The following ERG variants were observed in gnomAD, a reference collection of about 807,000 sequenced individuals.
ERG encodes the protein transcriptional regulator ERG.
Under a neutral mutation model 55.3 loss-of-function variants are expected in ERG, and 9 were observed. The ratio of observed to expected loss-of-function variants is 0.16; its 90% CI spans 0.10 to 0.28. The LOEUF is 0.28. ERG is among the 10% of genes least tolerant of loss of function. The probability of loss-of-function intolerance (pLI) is 1.00; values close to 1 mark genes in which losing one functional copy is unlikely to be tolerated. For synonymous variants in ERG, 223 were observed against 237.3 expected, an observed-to-expected ratio of 0.94 and a Z score of 0.55; for missense variants, 434 against 631.6, an observed-to-expected ratio of 0.69 and a Z score of 3.35.
intron 1 of ERG, among the ~76,000 whole-genome samples, chr21:38,640,976 A>G (rs755141935): frequency 9.2e-5 from 14 of 152,366 alleles, no homozygotes; most frequent in Non-Finnish European, 1.6e-4. Flanking sequence ...AACAACTAGA[A>G]TAGAACAGTG....
chr21:38,579,965 C>T (rs368460666), intron 1 of ERG, among the ~76,000 whole-genome samples: 2 of 152,072 alleles, frequency 1.3e-5, no homozygotes, highest in African/African-American at 4.8e-5. Flanking sequence ...GGACTACAGC[C>T]GCCCACCACC....
At chr21:38,499,339 AG>A (rs2059403903), upstream of ERG, among the ~76,000 whole-genome samples, 1 of 152,234 alleles carries the variant, frequency 6.6e-6, no homozygotes, top group South Asian at 2.1e-4. Flanking sequence ...CTATAAGTTC[AG>A]GGTCACAGGT....
chr21:38,372,688 ATGTGT>A, the ERG span, among the ~76,000 whole-genome samples: 1 of 152,066 alleles, frequency 6.6e-6, no homozygotes, highest in African/African-American at 2.4e-5. Flanking sequence ...AGTCATTTAA[ATGTGT>A]TGTGATTTTC....
chr21:38,656,552 A>G (rs1031070508), intron 1 of ERG, among the ~76,000 whole-genome samples: 2 of 152,152 alleles, frequency 1.3e-5, no homozygotes, highest in Non-Finnish European at 2.9e-5. Flanking sequence ...GCACGCTCCA[A>G]TTTAGTCTTT....
At chr21:38,450,582 TTTGGTACATCACTTAAC>T (rs1313815598) in intron 1 of ERG, among the ~76,000 whole-genome samples, 6 of 152,136 alleles carry the variant, frequency 3.9e-5, no homozygotes, top group Non-Finnish European at 7.3e-5. Flanking sequence ...CCACGCAGAA[TTTGGTACATCACTTAAC>T]TCCCTATATT....
intron 2 of ERG, among the ~76,000 whole-genome samples, chr21:38,552,773 G>T (rs572967793): frequency 6.6e-6 from 1 of 150,524 alleles, no homozygotes; most frequent in African/African-American, 2.4e-5. Context: ...ATTGAAACAA[G>T]CTAAGGATGC....
upstream of ERG, among the ~76,000 whole-genome samples, chr21:38,588,326 C>G (rs2060079438): frequency 6.6e-6 from 1 of 152,108 alleles, no homozygotes; most frequent in Non-Finnish European, 1.5e-5. Flanking sequence ...CCCACCACCA[C>G]CACCACCCTC....
Position 38,380,420 on chromosome 21 carries a change from T to A in ERG, c.*2983A>T, listed in dbSNP as rs74504273. 9.4e-7 allele frequency: 1 copy of A among 1,063,170 alleles called. No homozygotes were observed. Among genetic ancestry groups the A allele is most frequent in the African/African-American group, 1.6e-5 (1 of 60,926 alleles). The allele number at this position is 1,063,170 out of a possible 1,614,324, so 65.9% of individuals were successfully genotyped here. ...CATCAAACTAGGAACAAAAACACAG[T>A]CTTGACTGTGATTTGGTGATTTTAC... On this transcript the variant is annotated 3_prime_UTR_variant, in exon 10 of 10. Coordinates refer to ENST00000288319, the MANE Select transcript of ERG (RefSeq NM_182918.4).
At chr21:38,423,300 A>T in intron 3 of ERG, 110 bp downstream of exon 3, 1 of 1,177,436 alleles carries the variant, frequency 8.5e-7, no homozygotes, top group Admixed American at 2.4e-5. Flanking sequence ...TGCTCTGGAC[A>T]AAGGAGATGT....
In ERG at chr21:38,473,274, C is replaced by A. The variant is rs1418352032; in HGVS notation, c.18+25089G>T. 3.3e-5 allele frequency among the ~76,000 whole-genome samples: 5 copies of A among 151,974 alleles called. No homozygotes were observed. In the East Asian group the frequency reaches 9.7e-4, roughly 29 times the overall value. On this transcript the variant is annotated intron_variant, in intron 1 of 9. Transcript: ENST00000288319. The stretch of plus-strand genomic sequence containing the variant: ...TCACTTCAGCCTCATCTGGATATTA[C>A]CCACACTCTGCCTAGGCAGGCGAAG...
chr21:38,498,891 C>T (rs2059400904), upstream of ERG, among the ~76,000 whole-genome samples: 1 of 152,178 alleles, frequency 6.6e-6, no homozygotes. The surrounding 1 kb of genome is among the most constrained non-coding windows in gnomAD (Gnocchi z 4.6). Flanking sequence ...ACTTGAGCTC[C>T]TTTCTCCTAA....
intron 1 of ERG, among the ~76,000 whole-genome samples, chr21:38,472,427 T>C (rs1420204352): frequency 3.3e-5 from 5 of 152,216 alleles, no homozygotes; most frequent in Admixed American, 6.5e-5. Flanking sequence ...CCACATAGTA[T>C]ACGGGACATA....
At chr21:38,634,290 C>A (rs970223300) in intron 1 of ERG, among the ~76,000 whole-genome samples, 1 of 152,140 alleles carries the variant, frequency 6.6e-6, no homozygotes, top group Admixed American at 6.5e-5. Flanking sequence ...AAAGTCGCCA[C>A]TTCACTGTGT....
chr21:38,458,354 G>A (rs1363489807), intron 1 of ERG, among the ~76,000 whole-genome samples: 11 of 151,370 alleles, frequency 7.3e-5, no homozygotes, highest in Admixed American at 7.2e-4. Context: ...AACCTGGGAG[G>A]TGGAGGTTGC....
chr21:38,410,661 T>C (rs1989005618), intron 3 of ERG, among the ~76,000 whole-genome samples: 2 of 152,182 alleles, frequency 1.3e-5, no homozygotes, highest in Admixed American at 1.3e-4. Context: ...AGTTCCCCTG[T>C]TGCCAGGAAA....
the ERG span, among the ~76,000 whole-genome samples, chr21:38,372,720 T>C: frequency 1.4e-4 from 21 of 152,106 alleles, no homozygotes; most frequent in African/African-American, 4.8e-4. Flanking sequence ...AACCTATTCA[T>C]GGTAAATTTG....
intron 2 of ERG, among the ~76,000 whole-genome samples, chr21:38,529,828 T>TGGTGGTGGGCACCTGTA (rs1416520017): frequency 1.3e-5 from 2 of 151,758 alleles, no homozygotes; most frequent in Non-Finnish European, 2.9e-5. Flanking sequence ...TAGCCAGGCA[T>TGGTGGTGGGCACCTGTA]GGTGGTGGGC....
chr21:38,560,694 C>G (rs1001728105), intron 2 of ERG, among the ~76,000 whole-genome samples: 1 of 152,170 alleles, frequency 6.6e-6, no homozygotes, highest in African/African-American at 2.4e-5. Context: ...AAGTGACTTT[C>G]CAAGCCCCTA....
intron 2 of ERG, among the ~76,000 whole-genome samples, chr21:38,522,334 C>A (rs1362633708): frequency 1.3e-5 from 2 of 151,728 alleles, no homozygotes; most frequent in African/African-American, 4.8e-5. Flanking sequence ...ATTTTTGTTC[C>A]TTTTTCTTAT....
Sources: gnomAD v4.1 joint callset for allele counts (sites outside exome capture counted in the v4.1 genomes callset) on GRCh38, gnomAD v4.1.1 for gene constraint, Gnocchi (gnomAD v3.1) non-coding constraint, MANE v1.5 for transcripts, NCBI Gene and HGNC (gene_info 2026-07-23, HGNC 2026-07-21) for gene names.